The following OR9Q1 variants were observed in gnomAD, a reference collection of about 807,000 sequenced individuals.
OR9Q1 encodes the protein olfactory receptor family 9 subfamily Q member 1, also known as olfactory receptor 9Q1.
For synonymous variants in OR9Q1, 153 were observed against 148.6 expected, an observed-to-expected ratio of 1.03 and a Z score of -0.22; for missense variants, 374 against 378.8, an observed-to-expected ratio of 0.99 and a Z score of 0.11.
chr11:58,024,717 G>T (rs1301242172), intron 1 of OR9Q1, among the ~76,000 whole-genome samples: 2 of 152,184 alleles, frequency 1.3e-5, no homozygotes, highest in African/African-American at 2.4e-5. Flanking sequence ...GGCACTTGGT[G>T]GATAAAGTTC....
At chr11:58,126,780 G>A (rs1854094340) in intron 2 of OR9Q1, among the ~76,000 whole-genome samples, 1 of 152,150 alleles carries the variant, frequency 6.6e-6, no homozygotes. Flanking sequence ...TTGGGACAGG[G>A]TGAAGGAATA....
At chr11:58,033,717 T>C (rs936795595) in intron 1 of OR9Q1, among the ~76,000 whole-genome samples, 2 of 151,962 alleles carry the variant, frequency 1.3e-5, no homozygotes, top group African/African-American at 2.4e-5. Flanking sequence ...CAATATATCC[T>C]TGTGACAAAT....
chr11:58,100,864 G>A (rs1853777081), intron 2 of OR9Q1, among the ~76,000 whole-genome samples: 1 of 152,036 alleles, frequency 6.6e-6, no homozygotes, highest in Non-Finnish European at 1.5e-5. Flanking sequence ...TTCATTTGCA[G>A]CAGCATGGAT....
intron 2 of OR9Q1, among the ~76,000 whole-genome samples, chr11:58,173,292 C>G: frequency 8.7e-6 from 1 of 114,346 alleles, no homozygotes; most frequent in Non-Finnish European, 1.7e-5. Flanking sequence ...CCCCCTCCCC[C>G]CACCCCACAA....
At chr11:58,073,263 CTG>C (rs138579213) in intron 2 of OR9Q1, 8,027 of 212,852 alleles carry the variant, frequency 0.038, 199 homozygotes, top group Non-Finnish European at 0.052. Flanking sequence ...CTCTGTCCAT[CTG>C]TGATCTATCT....
At chr11:58,178,800 C>T (rs1854628497) in intron 2 of OR9Q1, among the ~76,000 whole-genome samples, 1 of 150,894 alleles carries the variant, frequency 6.6e-6, no homozygotes, top group African/African-American at 2.4e-5. Context: ...GACTCTATGC[C>T]ACAGGACTTC....
chr11:58,112,379 C>A (rs1008612908), intron 2 of OR9Q1, among the ~76,000 whole-genome samples: 6 of 152,048 alleles, frequency 3.9e-5, no homozygotes, highest in African/African-American at 1.2e-4. Context: ...CTAAATAAAC[C>A]ACAGATTCAG....
chr11:58,155,163 G>A lies in OR9Q1; in HGVS notation c.-14-24268G>A, dbSNP rs144523870. ...GACTCAGGGAAGAGATGGTGTTGTA[G>A]TTCTCAGTCTTAAGTTATGTAGAGG... is the stretch of plus-strand genomic sequence containing the variant. On this transcript the variant is annotated intron_variant, in intron 2 of 2. Transcript: ENST00000335397. Among the ~76,000 whole-genome samples the A allele has an allele frequency of 7.2e-3, 1,097 of 152,234 alleles. 8 individuals carry two copies. Among genetic ancestry groups the A allele is most frequent in the Non-Finnish European group, 0.012 (810 of 68,008 alleles).
intron 2 of OR9Q1, among the ~76,000 whole-genome samples, chr11:58,085,384 GT>G (rs1232304045): frequency 2.6e-5 from 4 of 151,818 alleles, no homozygotes; most frequent in South Asian, 4.2e-4. Context: ...CTTGGTGAGA[GT>G]TTTTTGTTTT....
At chr11:58,098,038 T>C (rs1167514320) in intron 2 of OR9Q1, among the ~76,000 whole-genome samples, 1 of 152,168 alleles carries the variant, frequency 6.6e-6, no homozygotes, top group African/African-American at 2.4e-5. Context: ...TAATTGTGTA[T>C]ATATGTGGCA....
At chr11:58,076,776 C>A (rs889039230) in intron 2 of OR9Q1, among the ~76,000 whole-genome samples, 4 of 152,122 alleles carry the variant, frequency 2.6e-5, no homozygotes, top group African/African-American at 9.7e-5. Flanking sequence ...CATGAGACAC[C>A]ATGCCTAGCC....
chr11:58,062,952 G>A (rs192371236), intron 2 of OR9Q1, among the ~76,000 whole-genome samples: 1 of 152,108 alleles, frequency 6.6e-6, no homozygotes, highest in African/African-American at 2.4e-5. Context: ...CTGGAGTTAT[G>A]GTTATATGAG....
intron 2 of OR9Q1, among the ~76,000 whole-genome samples, chr11:58,148,776 G>A (rs1405505424): frequency 1.3e-5 from 2 of 152,224 alleles, no homozygotes; most frequent in African/African-American, 4.8e-5. Flanking sequence ...GATAGAGAAT[G>A]TGGAGAGGAT....
chr11:58,143,267 A>T (rs1239736431), intron 2 of OR9Q1, among the ~76,000 whole-genome samples: 1 of 152,228 alleles, frequency 6.6e-6, no homozygotes, highest in African/African-American at 2.4e-5. Flanking sequence ...TTGGCATTGT[A>T]ATCCTCATTT....
chr11:58,102,904 G>A (rs1853798555), intron 2 of OR9Q1, among the ~76,000 whole-genome samples: 1 of 151,830 alleles, frequency 6.6e-6, no homozygotes, highest in African/African-American at 2.4e-5. Flanking sequence ...ATGTATATTT[G>A]TTCACTTAGC....
intron 2 of OR9Q1, among the ~76,000 whole-genome samples, chr11:58,130,385 A>T (rs1854130160): frequency 1.3e-5 from 2 of 152,196 alleles, no homozygotes; most frequent in African/African-American, 4.8e-5. Flanking sequence ...AGAAAATTAT[A>T]ATATTCATTA....
intron 1 of OR9Q1, among the ~76,000 whole-genome samples, chr11:58,046,820 G>C (rs548908113): frequency 6.6e-6 from 1 of 151,856 alleles, no homozygotes; most frequent in Admixed American, 6.6e-5. Context: ...CTGAGATCAC[G>C]CCATTGCATT....
In OR9Q1 at chr11:58,118,547, C is replaced by T. The variant is rs147763350; in HGVS notation, c.-14-60884C>T. The T allele has an allele frequency of 2.1e-4, 343 of 1,612,956 alleles. 1 individual carries two copies. The highest frequency in any genetic ancestry group is 6.6e-4 in the Middle Eastern group (4 of 6,042). ...AGTCTCCTAGCGACCTTTCTGAAGG[C>T]GTCTTTTACATCTTTGTTTCTTAAG... is the stretch of plus-strand genomic sequence containing the variant. On this transcript the variant is annotated intron_variant, in intron 2 of 2. Transcript: ENST00000335397.
chr11:58,058,987 C>T (rs1230647819), intron 2 of OR9Q1, among the ~76,000 whole-genome samples: 2 of 152,150 alleles, frequency 1.3e-5, no homozygotes, highest in Non-Finnish European at 2.9e-5. Context: ...ACATTCCTGG[C>T]CTGAACACAC....
Sources: gnomAD v4.1 joint callset for allele counts (sites outside exome capture counted in the v4.1 genomes callset) on GRCh38, gnomAD v4.1.1 for gene constraint, MANE v1.5 for transcripts, NCBI Gene and HGNC (gene_info 2026-07-23, HGNC 2026-07-21) for gene names.